Variants in DYNC1I1 observed in about 807,000 individuals in gnomAD.
DYNC1I1 encodes cytoplasmic dynein 1 intermediate chain 1.
DYNC1I1 carries 43 observed loss-of-function variants against 86.6 expected under a neutral mutation model. The observed-to-expected ratio is 0.50, with a 90% CI of 0.39 to 0.64. The LOEUF (loss-of-function observed/expected upper bound fraction) is 0.64, where lower values mean the gene tolerates loss of function less well. Ranked by LOEUF, DYNC1I1 falls within the 30% of genes least tolerant of loss-of-function variation. The pLI, the probability that DYNC1I1 is intolerant of heterozygous loss-of-function variation, is 0.00. For synonymous variants in DYNC1I1, 262 were observed against 283.7 expected (o/e 0.92, Z 0.77); for missense variants, 604 against 788.8 (o/e 0.77, Z 2.81).
At position 96,020,097 on chromosome 7, in the gene DYNC1I1, C is replaced by CAA. The variant is rs10595929; in HGVS notation, c.970-8064_970-8063dup. 1.7e-3 allele frequency among the ~76,000 whole-genome samples: 213 copies of CAA among 122,218 alleles called. 1 individual carries two copies. Among genetic ancestry groups the CAA allele is most frequent in the African/African-American group, 5.6e-3 (195 of 34,950 alleles). 80.2% of individuals were successfully genotyped at this position (122,218 alleles called of 152,430 possible). ...GAATGGCTAGTACTAAAAAGAAAGC[C>CAA]AAAAAAAAAAAAAAAGACAGAAAAT... On this transcript the variant is annotated intron_variant, in intron 10 of 16. Coordinates refer to ENST00000447467, the MANE Select transcript of DYNC1I1 (RefSeq NM_001135556.2).
At position 95,838,000 on chromosome 7, in the gene DYNC1I1, G is replaced by C. The variant is rs999856736; in HGVS notation, c.374+9884G>C. The stretch of plus-strand genomic sequence containing the variant: ...GGCCATCTTGGCTCCTCCTGGTCCT[G>C]GTTGTTTTCTTATTGTGCAGAAGCT... On this transcript the variant is annotated intron_variant, in intron 5 of 16. Coordinates refer to ENST00000447467, the MANE Select transcript of DYNC1I1 (RefSeq NM_001135556.2). Among the ~76,000 whole-genome samples the C allele has an allele frequency of 2.6e-5, 4 of 152,116 alleles. 1 individual carries two copies. Among genetic ancestry groups the C allele is most frequent in the South Asian group, 4.1e-4 (2 of 4,824 alleles).
intron 6 of DYNC1I1, among the ~76,000 whole-genome samples, chr7:95,972,528 CAT>C (rs1793200809): frequency 7.9e-6 from 1 of 126,158 alleles, no homozygotes; most frequent in Non-Finnish European, 1.7e-5. Context: ...TAGGATCCAG[CAT>C]ATCACCAATC....
intron 4 of DYNC1I1, among the ~76,000 whole-genome samples, chr7:95,816,882 G>A (rs945004852): frequency 6.6e-6 from 1 of 152,082 alleles, no homozygotes; most frequent in Non-Finnish European, 1.5e-5. Flanking sequence ...TTAAAATGTA[G>A]CAAACTAGGA....
intron 14 of DYNC1I1, among the ~76,000 whole-genome samples, chr7:96,054,509 G>T (rs906352587): frequency 2.0e-5 from 3 of 152,186 alleles, no homozygotes; most frequent in African/African-American, 7.2e-5. Context: ...CCAGTAATGG[G>T]ATTGCTGGGT....
intron 6 of DYNC1I1, among the ~76,000 whole-genome samples, chr7:95,893,936 GA>G (rs1365093204): frequency 6.6e-6 from 1 of 152,124 alleles, no homozygotes; most frequent in African/African-American, 2.4e-5. Context: ...AAGACTGAAA[GA>G]AAATTTTGAA....
At chr7:95,812,236 C>G (rs1477105011) in intron 3 of DYNC1I1, among the ~76,000 whole-genome samples, 1 of 152,076 alleles carries the variant, frequency 6.6e-6, no homozygotes, top group Non-Finnish European at 1.5e-5. Flanking sequence ...TGATTGAAAC[C>G]AAATGGGAAT....
intron 7 of DYNC1I1, 59 bp downstream of exon 7, chr7:95,977,660 CTAATA>C: frequency 6.6e-7 from 1 of 1,512,686 alleles, no homozygotes; most frequent in Non-Finnish European, 9.0e-7. Context: ...TTTGCCTTTA[CTAATA>C]TAAGAGACTA....
Position 96,080,372 on chromosome 7 carries a change from G to A in DYNC1I1, c.1660G>A (p.Ala554Thr), listed in dbSNP as rs1352149754. Residue 554 changes from alanine to threonine, a missense_variant, in exon 16 of 17, where the codon GCA becomes ACA. Coordinates refer to ENST00000447467, the MANE Select transcript of DYNC1I1 (RefSeq NM_001135556.2). Reference protein sequence around the residue: ...NLNNDTEVPTASVAIEGASAL... With the variant: ...NLNNDTEVPTTSVAIEGASAL... ...GTGAACCCTTTGGCAGGTTCCAACA[G>A]CAAGTGTGGCCATTGAGGGGGCATC... 2 of 1,606,668 alleles carry A rather than the reference G, an allele frequency of 1.2e-6. No homozygotes were observed.
intron 6 of DYNC1I1, among the ~76,000 whole-genome samples, chr7:95,977,177 A>C (rs1311737407): frequency 6.6e-6 from 1 of 152,194 alleles, no homozygotes; most frequent in African/African-American, 2.4e-5. Context: ...GAAACATTTT[A>C]AAATCTGTTC....
intron 14 of DYNC1I1, among the ~76,000 whole-genome samples, chr7:96,050,700 C>G (rs912162683): frequency 6.6e-6 from 1 of 152,144 alleles, no homozygotes; most frequent in Non-Finnish European, 1.5e-5. Context: ...ACTAGACCTG[C>G]TTCTTCAAAA....
intron 5 of DYNC1I1, among the ~76,000 whole-genome samples, chr7:95,847,874 A>G (rs970272556): frequency 6.6e-6 from 1 of 152,126 alleles, no homozygotes. Context: ...ATGAAATTCT[A>G]TTTCACTTAT....
chr7:96,018,460 C>A (rs987164766), intron 10 of DYNC1I1, among the ~76,000 whole-genome samples: 2 of 152,088 alleles, frequency 1.3e-5, no homozygotes, highest in African/African-American at 4.8e-5. Flanking sequence ...ACTGATACAG[C>A]GATGTGTAGT....
intron 6 of DYNC1I1, among the ~76,000 whole-genome samples, chr7:95,971,566 A>G (rs1230140389): frequency 6.6e-6 from 1 of 152,198 alleles, no homozygotes; most frequent in Non-Finnish European, 1.5e-5. Flanking sequence ...ATAATAGTAT[A>G]CTAGTAAGCT....
chr7:95,833,373 C>A (rs1246433471), intron 5 of DYNC1I1, among the ~76,000 whole-genome samples: 2 of 150,150 alleles, frequency 1.3e-5, no homozygotes, highest in African/African-American at 4.9e-5. Context: ...GTTACTGTAG[C>A]CTTGTAGTAT....
intron 4 of DYNC1I1, among the ~76,000 whole-genome samples, chr7:95,822,612 T>G (rs557927138): frequency 6.6e-6 from 1 of 151,996 alleles, no homozygotes; most frequent in East Asian, 1.9e-4. Flanking sequence ...TGGTCCAGAG[T>G]AGGTACAGAA....
chr7:95,828,904 C>A (rs906514452), intron 5 of DYNC1I1, among the ~76,000 whole-genome samples: 1 of 152,118 alleles, frequency 6.6e-6, no homozygotes, highest in South Asian at 2.1e-4. Context: ...GCTGATTGCG[C>A]ATTTCTCTTC....
At chr7:95,868,418 T>C (rs973987601) in intron 5 of DYNC1I1, among the ~76,000 whole-genome samples, 6 of 152,204 alleles carry the variant, frequency 3.9e-5, no homozygotes, top group Non-Finnish European at 8.8e-5. Flanking sequence ...TTATTCCTAT[T>C]AATAATAATT....
intron 16 of DYNC1I1, among the ~76,000 whole-genome samples, chr7:96,089,826 A>G (rs1403623521): frequency 6.6e-6 from 1 of 152,172 alleles, no homozygotes; most frequent in African/African-American, 2.4e-5. Flanking sequence ...GTGTTTAGCA[A>G]TAAGCCTTCT....
intron 6 of DYNC1I1, among the ~76,000 whole-genome samples, chr7:95,894,143 A>G (rs1790814138): frequency 1.3e-5 from 2 of 151,864 alleles, no homozygotes; most frequent in Non-Finnish European, 2.9e-5. Context: ...GGAACATCCC[A>G]GATTATTAGT....
Sources: gnomAD v4.1 joint callset for allele counts (sites outside exome capture counted in the v4.1 genomes callset) on GRCh38, gnomAD v4.1.1 for gene constraint, MANE v1.5 for transcripts, NCBI Gene and HGNC (gene_info 2026-07-23, HGNC 2026-07-21) for gene names.